TRAPPC3L: variants seen among roughly 807,000 people sequenced by gnomAD.
TRAPPC3L encodes trafficking protein particle complex subunit 3-like protein.
Under a neutral mutation model 23.7 loss-of-function variants are expected in TRAPPC3L, and 23 were observed. The observed-to-expected ratio is 0.97, with a 90% CI of 0.70 to 1.37. TRAPPC3L has a LOEUF of 1.37. Among genes scored for constraint, TRAPPC3L ranks in the 40% most tolerant of loss-of-function variants. The probability of loss-of-function intolerance (pLI) is 0.00; values close to 1 mark genes in which losing one functional copy is unlikely to be tolerated. For missense variants in TRAPPC3L, 212 were observed against 216.8 expected (o/e 0.98, Z 0.14); for synonymous variants, 81 against 77.9 (o/e 1.04, Z -0.21).
Position 116,540,450 on chromosome 6 carries a change from A to G in TRAPPC3L, c.153T>C (p.Ile51=), listed in dbSNP as rs1159253193. Residue 51 remains isoleucine, a synonymous_variant, in exon 3 of 5, where the codon ATT becomes ATC. Coordinates refer to ENST00000368602, the MANE Select transcript of TRAPPC3L (RefSeq NM_001139444.3). ...AAAAGTCTTCCACAAGCCGCGTTCC[A>G]ATGCCGTAACCCCTGTGGATGACGG... The part of the protein sequence containing the change: ...NQYLDKMGYG[I]GTRLVEDFLA... The G allele has an allele frequency of 6.4e-7, 1 of 1,551,340 alleles. No homozygotes were observed. The highest frequency in any genetic ancestry group is 2.0e-5 in the Admixed American group (1 of 50,986).
chr6:116,504,245 A>G (rs1464717082), intron 3 of TRAPPC3L, among the ~76,000 whole-genome samples: 1 of 152,246 alleles, frequency 6.6e-6, no homozygotes, highest in Admixed American at 6.5e-5. Flanking sequence ...AGAGAATACT[A>G]TAAACACCTC....
At chr6:116,500,884 A>G (rs781537029) in intron 3 of TRAPPC3L, among the ~76,000 whole-genome samples, 2 of 152,218 alleles carry the variant, frequency 1.3e-5, no homozygotes, top group Non-Finnish European at 2.9e-5. Flanking sequence ...AAGATTGTCA[A>G]ATAGGAACAG....
chr6:116,506,855 G>A (rs1772016494), intron 3 of TRAPPC3L, among the ~76,000 whole-genome samples: 2 of 152,124 alleles, frequency 1.3e-5, no homozygotes, highest in Admixed American at 1.3e-4. Context: ...CACACACCGG[G>A]ACCTGTCAGG....
chr6:116,524,459 G>A (rs1290328975), intron 3 of TRAPPC3L: 3 of 151,066 alleles, frequency 2.0e-5, no homozygotes, highest in Non-Finnish European at 4.5e-5. Context: ...TATTCAGCCT[G>A]TTGGCCTGTT....
chr6:116,515,488 G>T (rs1266093595), intron 3 of TRAPPC3L: 11 of 1,088,322 alleles, frequency 1.0e-5, no homozygotes, highest in Non-Finnish European at 1.4e-5. Context: ...GATTTCAAAT[G>T]AGGTATGTCA....
At chr6:116,508,565 AG>A (rs1428821698) in intron 3 of TRAPPC3L, among the ~76,000 whole-genome samples, 1 of 152,202 alleles carries the variant, frequency 6.6e-6, no homozygotes, top group Non-Finnish European at 1.5e-5. Flanking sequence ...ACTAATCAAA[AG>A]GTTACTATTA....
intron 3 of TRAPPC3L, chr6:116,512,421 T>G (rs955420270): frequency 4.7e-5 from 29 of 622,112 alleles, no homozygotes; most frequent in Admixed American, 3.1e-5. Context: ...CTCAATAAAG[T>G]TGCTGACTGG....
At chr6:116,511,108 A>G (rs1339914473) in intron 3 of TRAPPC3L, among the ~76,000 whole-genome samples, 2 of 146,052 alleles carry the variant, frequency 1.4e-5, no homozygotes, top group African/African-American at 5.0e-5. Flanking sequence ...ATATATATGT[A>G]TATATATATA....
In TRAPPC3L at chr6:116,497,074, C is replaced by G; in HGVS notation, c.427-1G>C. ...ATGTAACATCAGCCGCCAAATGAAC[C>G]TAGGAAAGAAGAAAAAAACAGGCCT... On this transcript the variant is annotated splice_acceptor_variant, in intron 4 of 4. Transcript: ENST00000368602. LOFTEE classifies it high-confidence loss of function. The G allele has an allele frequency of 2.0e-6, 3 of 1,536,318 alleles. No homozygotes were observed. The highest frequency in any genetic ancestry group is 2.6e-6 in the Non-Finnish European group (3 of 1,142,432).
chr6:116,496,927 G>T lies in TRAPPC3L; in HGVS notation c.*27C>A, dbSNP rs186105406. The T allele has an allele frequency of 1.9e-4, 285 of 1,531,940 alleles. 1 individual carries two copies. In the East Asian group the frequency reaches 5.5e-3, roughly 29 times the overall value. 94.9% of individuals were successfully genotyped at this position (1,531,940 alleles called of 1,614,324 possible). The stretch of plus-strand genomic sequence containing the variant: ...TTAGCTAACATTAACTCAGCTAGCC[G>T]CCCCGTGGCATTTTCCGTGCTAGTC... On this transcript the variant is annotated 3_prime_UTR_variant, in exon 5 of 5. Coordinates refer to ENST00000368602, the MANE Select transcript of TRAPPC3L (RefSeq NM_001139444.3).
chr6:116,518,066 C>T (rs1039932937), intron 3 of TRAPPC3L: 1 of 152,152 alleles, frequency 6.6e-6, no homozygotes, highest in African/African-American at 2.4e-5. Context: ...TTATAATAGA[C>T]TGATGATAGT....
chr6:116,497,076 A>G lies in TRAPPC3L; in HGVS notation c.427-3T>C. The G allele has an allele frequency of 6.5e-7, 1 of 1,537,440 alleles. No individual in the cohort carries two copies. Among genetic ancestry groups the G allele is most frequent in the Middle Eastern group, 1.7e-4 (1 of 5,960 alleles). On this transcript the variant is annotated splice_region_variant and splice_polypyrimidine_tract_variant and intron_variant, in intron 4 of 4. Transcript: ENST00000368602. ...GTAACATCAGCCGCCAAATGAACCT[A>G]GGAAAGAAGAAAAAAACAGGCCTGT... is the stretch of plus-strand genomic sequence containing the variant.
chr6:116,541,364 T>C (rs1282691653), intron 2 of TRAPPC3L, among the ~76,000 whole-genome samples: 1 of 152,154 alleles, frequency 6.6e-6, no homozygotes, highest in Non-Finnish European at 1.5e-5. Flanking sequence ...TCAAAATTGG[T>C]CTTTTAATTT....
chr6:116,543,471 T>C (rs1200142510), intron 1 of TRAPPC3L, 71 bp from the exon 2 acceptor site: 1 of 1,306,078 alleles, frequency 7.7e-7, no homozygotes, highest in East Asian at 2.6e-5. Flanking sequence ...CTTTTGTTTA[T>C]AAAATCTGGT....
At chr6:116,522,972 C>T (rs1194702131) in intron 3 of TRAPPC3L, 2 of 112,478 alleles carry the variant, frequency 1.8e-5, no homozygotes, top group Non-Finnish European at 3.9e-5. Flanking sequence ...ATCTGGAGGG[C>T]TTATTAAAAT....
chr6:116,511,580 A>C, intron 3 of TRAPPC3L: 2 of 894,188 alleles, frequency 2.2e-6, no homozygotes, highest in Non-Finnish European at 3.5e-6. Flanking sequence ...TATCTGGCTC[A>C]ATTCAGTCTG....
intron 3 of TRAPPC3L, chr6:116,517,714 G>A (rs1772254931): frequency 6.6e-6 from 1 of 152,148 alleles, no homozygotes; most frequent in African/African-American, 2.4e-5. Flanking sequence ...GTACGCGAAT[G>A]AGATGACTGA....
rs1159047677 is a variant in TRAPPC3L, at chr6:116,496,741, T to C, written c.*213A>G. 3.6e-6 allele frequency: 2 copies of C among 551,016 alleles called. No homozygotes were observed. Among genetic ancestry groups the C allele is most frequent in the Non-Finnish European group, 5.9e-6 (2 of 340,670 alleles). The allele number at this position is 551,016 out of a possible 1,614,324, so 34.1% of individuals were successfully genotyped here. A position where few individuals can be genotyped will look rare whatever the true frequency, so the allele number is the denominator to read the frequency against. ...TATCTTGTAAGGAGCTATTTGCATA[T>C]GAAATTTTGTGGACATGAGATTGAA... On this transcript the variant is annotated 3_prime_UTR_variant, in exon 5 of 5. Coordinates refer to ENST00000368602, the MANE Select transcript of TRAPPC3L (RefSeq NM_001139444.3).
At chr6:116,533,280 G>A (rs1162594300) in intron 3 of TRAPPC3L, among the ~76,000 whole-genome samples, 2 of 152,212 alleles carry the variant, frequency 1.3e-5, no homozygotes, top group Non-Finnish European at 2.9e-5. Flanking sequence ...GAAGAAATTT[G>A]TAGGAAAAAA....
Sources: gnomAD v4.1 joint callset for allele counts (sites outside exome capture counted in the v4.1 genomes callset) on GRCh38, gnomAD v4.1.1 for gene constraint, MANE v1.5 for transcripts, NCBI Gene and HGNC (gene_info 2026-07-23, HGNC 2026-07-21) for gene names.